DNAH14: variants seen among roughly 807,000 people sequenced by gnomAD.
DNAH14 encodes the protein axonemal beta dynein heavy chain 14.
In DNAH14, 478 loss-of-function variants were observed where a neutral mutation model predicts 520.9. The observed-to-expected ratio is 0.92, with a 90% CI of 0.85 to 0.99. The LOEUF (loss-of-function observed/expected upper bound fraction) is 0.99. Ranked by LOEUF, DNAH14 falls within the 50% of genes least tolerant of loss-of-function variation. The pLI is 0.00. For synonymous variants in DNAH14, 1,581 were observed against 1,757.2 expected, an observed-to-expected ratio of 0.90 and a Z score of 2.51; for missense variants, 4,831 against 5,234.5, an observed-to-expected ratio of 0.92 and a Z score of 2.38.
chr1:225,243,034 T>G (rs1002986810), intron 43 of DNAH14, among the ~76,000 whole-genome samples: 6 of 152,236 alleles, frequency 3.9e-5, no homozygotes, highest in Admixed American at 1.3e-4. Flanking sequence ...TGTTATTTCC[T>G]GTGGAAATTA....
At chr1:225,133,338 T>C (rs1251634364) in intron 27 of DNAH14, among the ~76,000 whole-genome samples, 5 of 152,224 alleles carry the variant, frequency 3.3e-5, no homozygotes, top group African/African-American at 9.6e-5. Flanking sequence ...TAGATTTTCT[T>C]CTAGGGTTTT....
At chr1:225,216,925 A>G (rs1427037190) in intron 41 of DNAH14, among the ~76,000 whole-genome samples, 1 of 152,156 alleles carries the variant, frequency 6.6e-6, no homozygotes, top group Non-Finnish European at 1.5e-5. Context: ...TTCTCCATCC[A>G]GCTTTGTTCC....
Position 225,152,715 on chromosome 1 carries a change from G to GC in DNAH14, c.5029dup (p.Leu1677ProfsTer4), listed in dbSNP as rs2080621924. The GC allele has an allele frequency of 1.3e-6, 2 of 1,549,402 alleles. No homozygotes were observed. On this transcript the variant is annotated frameshift_variant, in exon 33 of 86. Transcript: ENST00000682510. LOFTEE classifies it high-confidence loss of function. ...TCTTCAGATACGGAGGTGGAGTAGA[G>GC]CTCCCAGATAACTTAAAATCTCTGT...
chr1:225,040,365 A>G (rs147283013), intron 12 of DNAH14, among the ~76,000 whole-genome samples: 340 of 152,352 alleles, frequency 2.2e-3, no homozygotes, highest in African/African-American at 7.7e-3. Flanking sequence ...ATATGCATCG[A>G]AATATTAACA....
At chr1:225,341,882 G>T (rs1348211353) in intron 69 of DNAH14, among the ~76,000 whole-genome samples, 2 of 152,074 alleles carry the variant, frequency 1.3e-5, no homozygotes, top group Non-Finnish European at 2.9e-5. Context: ...GTGACTCACT[G>T]GAACTTGAAG....
chr1:225,360,592 A>C, intron 74 of DNAH14, 89 bp from the exon 75 acceptor site: 1 of 1,218,886 alleles, frequency 8.2e-7, no homozygotes, highest in Admixed American at 2.2e-5. Context: ...ACCTTTTCCC[A>C]ACACTACTCA....
intron 46 of DNAH14, among the ~76,000 whole-genome samples, chr1:225,263,373 G>A (rs185472062): frequency 1.5e-4 from 22 of 151,376 alleles, no homozygotes; most frequent in African/African-American, 4.6e-4. Flanking sequence ...CTCAATAAAC[G>A]GGACGCAGTT....
intron 4 of DNAH14, among the ~76,000 whole-genome samples, chr1:224,960,869 A>G (rs1388369783): frequency 6.6e-6 from 1 of 152,152 alleles, no homozygotes; most frequent in African/African-American, 2.4e-5. Flanking sequence ...TCACTCACAC[A>G]GGCTTCATCC....
chr1:224,941,477 G>C (rs1243063169), intron 1 of DNAH14, among the ~76,000 whole-genome samples: 25 of 152,174 alleles, frequency 1.6e-4, no homozygotes, highest in African/African-American at 2.2e-4. Flanking sequence ...GTTGCCTGTT[G>C]ACTCTGATGG....
In DNAH14 at chr1:225,122,784, A is replaced by T. The variant is rs539544730; in HGVS notation, c.4167-743A>T. Among the ~76,000 whole-genome samples the T allele has an allele frequency of 2.6e-5, 4 of 152,308 alleles. No homozygotes were observed. In the East Asian group the frequency reaches 7.7e-4, roughly 29 times the overall value. Reference sequence around the variant, plus strand: ...TATTTCTCCTCATCAGCAATGATAAAAAAACAAAAATAGATACCATTTGCA... The same window carrying T: ...TATTTCTCCTCATCAGCAATGATAATAAAACAAAAATAGATACCATTTGCA... On this transcript the variant is annotated intron_variant, in intron 26 of 85. Coordinates refer to ENST00000682510, the MANE Select transcript of DNAH14 (RefSeq NM_001367479.1).
chr1:225,306,990 G>A (rs1213058943), intron 58 of DNAH14, among the ~76,000 whole-genome samples: 1 of 151,800 alleles, frequency 6.6e-6, no homozygotes, highest in African/African-American at 2.4e-5. Context: ...AGCCTATCTG[G>A]TTCTCTTTCC....
At chr1:225,337,868 C>A (rs1030168253) in intron 67 of DNAH14, among the ~76,000 whole-genome samples, 193 bp from the exon 68 acceptor site, 23 of 152,174 alleles carry the variant, frequency 1.5e-4, no homozygotes, top group Admixed American at 6.5e-5. Context: ...TACAAACAAT[C>A]GAATTATACT....
chr1:225,083,996 A>G (rs903603008), intron 20 of DNAH14, among the ~76,000 whole-genome samples: 19 of 152,170 alleles, frequency 1.2e-4, no homozygotes, highest in African/African-American at 4.3e-4. Context: ...TACATATGAT[A>G]GCAGCTGGTG....
chr1:225,228,351 C>T (rs1024229677), intron 41 of DNAH14, among the ~76,000 whole-genome samples: 4 of 152,190 alleles, frequency 2.6e-5, no homozygotes, highest in Non-Finnish European at 5.9e-5. Context: ...ACAAGATGCA[C>T]TGGCATTCTG....
chr1:225,295,525 A>G (rs1471382999), intron 55 of DNAH14, among the ~76,000 whole-genome samples: 3 of 152,116 alleles, frequency 2.0e-5, no homozygotes, highest in Non-Finnish European at 4.4e-5. Context: ...TCAGGAGCAT[A>G]CTGTTTAATG....
intron 36 of DNAH14, 64 bp from the exon 37 acceptor site, chr1:225,185,227 A>C (rs868502918): frequency 1.4e-6 from 2 of 1,474,054 alleles, no homozygotes; most frequent in South Asian, 2.7e-5. Flanking sequence ...ATGGATATAG[A>C]GATATATTGG....
intron 71 of DNAH14, among the ~76,000 whole-genome samples, chr1:225,348,273 AAGAAGAAAAAAAGAG>A (rs1313010409): frequency 6.7e-6 from 1 of 148,334 alleles, no homozygotes; most frequent in Non-Finnish European, 1.5e-5. Context: ...GCACTCCCAG[AAGAAGAAAAAAAGAG>A]AGAAAAGGGT....
At chr1:225,040,970 A>G (rs1293641724) in intron 12 of DNAH14, among the ~76,000 whole-genome samples, 3 of 152,168 alleles carry the variant, frequency 2.0e-5, no homozygotes, top group Non-Finnish European at 4.4e-5. Flanking sequence ...GCATTTTTTC[A>G]TGTAACTTGC....
chr1:225,125,210 A>C (rs1375320521), intron 27 of DNAH14, among the ~76,000 whole-genome samples: 4 of 152,196 alleles, frequency 2.6e-5, no homozygotes, highest in Admixed American at 2.6e-4. Context: ...ACGGTAAGTG[A>C]GCATTGGCTT....
Sources: allele counts gnomAD v4.1 joint callset (sites outside exome capture counted in the v4.1 genomes callset), GRCh38; gene constraint gnomAD v4.1.1; transcripts MANE v1.5; gene names NCBI Gene and HGNC (gene_info 2026-07-23, HGNC 2026-07-21).